The following CADPS2 variants were observed in gnomAD, a reference collection of about 807,000 sequenced individuals.
CADPS2 encodes calcium dependent secretion activator 2.
CADPS2 carries 93 observed loss-of-function variants against 172.5 expected under a neutral mutation model. The observed-to-expected ratio is 0.54, with a 90% CI of 0.46 to 0.64. The LOEUF (loss-of-function observed/expected upper bound fraction) is 0.64, where lower values mean the gene tolerates loss of function less well. Ranked by LOEUF, CADPS2 falls within the 30% of genes least tolerant of loss-of-function variation. CADPS2 has a pLI of 0.00. For synonymous variants in CADPS2, 546 were observed against 555.2 expected (o/e 0.98, Z 0.23); for missense variants, 1,420 against 1,565.9 (o/e 0.91, Z 1.57).
chr7:122,488,659 C>A (rs2058046594), intron 11 of CADPS2, among the ~76,000 whole-genome samples: 1 of 152,198 alleles, frequency 6.6e-6, no homozygotes, highest in Non-Finnish European at 1.5e-5. Context: ...CTAGATGTTA[C>A]ATTCAATGAT....
intron 6 of CADPS2, among the ~76,000 whole-genome samples, chr7:122,607,544 C>T (rs990863321): frequency 6.6e-6 from 1 of 152,184 alleles, no homozygotes; most frequent in African/African-American, 2.4e-5. Flanking sequence ...ACAAATACTA[C>T]TAATCATAAT....
intron 2 of CADPS2, among the ~76,000 whole-genome samples, chr7:122,697,205 C>CA (rs572862844): frequency 1.3e-3 from 189 of 151,040 alleles, no homozygotes; most frequent in African/African-American, 3.7e-3. Context: ...ATGCATATCA[C>CA]AAAAAAAATG....
intron 1 of CADPS2, among the ~76,000 whole-genome samples, chr7:122,776,567 GA>G (rs371142744): frequency 2.8e-3 from 384 of 135,310 alleles, no homozygotes; most frequent in Admixed American, 8.0e-3. Flanking sequence ...TCAGAAAAAA[GA>G]AAAAAAAAAA....
intron 2 of CADPS2, chr7:122,698,921 C>G: frequency 6.4e-7 from 1 of 1,558,210 alleles, no homozygotes; most frequent in Non-Finnish European, 8.7e-7. Context: ...AGATGCATCT[C>G]TCTCTTCTCC....
At chr7:122,320,384 C>T (rs1443749) in intron 29 of CADPS2, 46 bp from the exon 30 acceptor site, 545,381 of 1,469,680 alleles carry the variant, frequency 0.37, 102,602 homozygotes, top group Middle Eastern at 0.45. Flanking sequence ...AGATTATATG[C>T]GTGTACATAG....
intron 28 of CADPS2, among the ~76,000 whole-genome samples, chr7:122,332,423 A>C (rs1458518580): frequency 6.7e-6 from 1 of 149,818 alleles, no homozygotes; most frequent in African/African-American, 2.5e-5. Flanking sequence ...ATCAGAACAG[A>C]GAAGCATGTG....
intron 9 of CADPS2, among the ~76,000 whole-genome samples, chr7:122,508,861 T>C (rs2059815922): frequency 6.6e-6 from 1 of 152,132 alleles, no homozygotes; most frequent in South Asian, 2.1e-4. Flanking sequence ...TAGAATAATG[T>C]GGTAGTGCTG....
At chr7:122,706,585 A>T (rs1032934178) in intron 2 of CADPS2, among the ~76,000 whole-genome samples, 2 of 147,880 alleles carry the variant, frequency 1.4e-5, no homozygotes, top group Non-Finnish European at 3.0e-5. Flanking sequence ...ATATGTATAT[A>T]TATATATATC....
intron 2 of CADPS2, among the ~76,000 whole-genome samples, chr7:122,705,712 ATT>A (rs1491189122): frequency 1.9e-4 from 4 of 21,118 alleles, no homozygotes; most frequent in Admixed American, 2.5e-3. Flanking sequence ...TATATCATAT[ATT>A]ATATAATATA....
In CADPS2 at chr7:122,776,454, G is replaced by C. The variant is rs1237695485; in HGVS notation, c.340-39386C>G. On this transcript the variant is annotated intron_variant, in intron 1 of 29. Coordinates refer to ENST00000449022, the MANE Select transcript of CADPS2 (RefSeq NM_017954.11). Reference sequence around the variant, plus strand: ...AGTGGTATGAAAATGTACTAATACAGTAAATTAGTACTGGTAGAGTGGGGT... The same window carrying C: ...AGTGGTATGAAAATGTACTAATACACTAAATTAGTACTGGTAGAGTGGGGT... Among the ~76,000 whole-genome samples the C allele has an allele frequency of 4.6e-5, 7 of 151,996 alleles. No individual in the cohort carries two copies. The South Asian group carries it at 1.5e-3, about 32-fold the overall frequency.
In CADPS2 at chr7:122,737,141, T is replaced by C; in HGVS notation, c.340-73A>G. On this transcript the variant is annotated intron_variant, in intron 1 of 29. Transcript: ENST00000449022. The stretch of plus-strand genomic sequence containing the variant: ...AAAATAATGACTATTAAAAATCATA[T>C]TTGCTGTATATTAGATTTCACATCT... 3 of 763,084 alleles carry C rather than the reference T, an allele frequency of 3.9e-6. No homozygotes were observed. In the South Asian group the frequency reaches 4.6e-5, roughly 12 times the overall value. The allele number at this position is 763,084 out of a possible 1,614,324, so 47.3% of individuals were successfully genotyped here.
intron 1 of CADPS2, among the ~76,000 whole-genome samples, chr7:122,874,153 C>G (rs968063490): frequency 6.6e-6 from 1 of 152,156 alleles, no homozygotes; most frequent in Non-Finnish European, 1.5e-5. Flanking sequence ...TGCAGAAACT[C>G]TTTAGTTCTT....
At chr7:122,739,045 T>C (rs2092337008) in intron 1 of CADPS2, among the ~76,000 whole-genome samples, 1 of 152,116 alleles carries the variant, frequency 6.6e-6, no homozygotes, top group Non-Finnish European at 1.5e-5. Flanking sequence ...TATGGGTGCA[T>C]ACTAGCAACG....
At chr7:122,500,000 A>T (rs2059065160) in intron 9 of CADPS2, among the ~76,000 whole-genome samples, 1 of 152,124 alleles carries the variant, frequency 6.6e-6, no homozygotes. Flanking sequence ...GCTCACAAAC[A>T]TTTCCATCAA....
At chr7:122,432,191 G>A (rs549323327) in intron 17 of CADPS2, among the ~76,000 whole-genome samples, 1 of 152,268 alleles carries the variant, frequency 6.6e-6, no homozygotes, top group East Asian at 1.9e-4. Context: ...GTGTCTGAGA[G>A]ATGCAAGTAT....
At chr7:122,817,925 T>C (rs1028270367) in intron 1 of CADPS2, among the ~76,000 whole-genome samples, 2 of 149,264 alleles carry the variant, frequency 1.3e-5, no homozygotes, top group Non-Finnish European at 3.0e-5. Context: ...CTTATTTCCG[T>C]GCCCCAACCC....
At chr7:122,860,513 G>A (rs2141277222) in intron 1 of CADPS2, among the ~76,000 whole-genome samples, 1 of 152,196 alleles carries the variant, frequency 6.6e-6, no homozygotes, top group African/African-American at 2.4e-5. Context: ...GATTACCAGT[G>A]TGAGCCACTG....
At chr7:122,714,736 T>C (rs2089330256) in intron 2 of CADPS2, among the ~76,000 whole-genome samples, 1 of 152,144 alleles carries the variant, frequency 6.6e-6, no homozygotes. Flanking sequence ...TACAAAACTG[T>C]ACTAGCTAAT....
chr7:122,464,203 G>A (rs1171988151), intron 14 of CADPS2, among the ~76,000 whole-genome samples: 1 of 152,120 alleles, frequency 6.6e-6, no homozygotes, highest in Non-Finnish European at 1.5e-5. Context: ...CTAAGAAAGT[G>A]CTCAAAAACC....
Sources: allele counts gnomAD v4.1 joint callset (sites outside exome capture counted in the v4.1 genomes callset), GRCh38; gene constraint gnomAD v4.1.1; transcripts MANE v1.5; gene names NCBI Gene and HGNC (gene_info 2026-07-23, HGNC 2026-07-21).